TMOD2: variants seen among roughly 807,000 people sequenced by gnomAD.
The protein encoded by TMOD2 is tropomodulin-2.
TMOD2 carries 22 observed loss-of-function variants against 39.9 expected under a neutral mutation model. The observed-to-expected ratio is 0.55, with a 90% CI of 0.39 to 0.79. The LOEUF (loss-of-function observed/expected upper bound fraction) is 0.79. Ranked by LOEUF, TMOD2 falls within the 30% of genes least tolerant of loss-of-function variation. The pLI, the probability that TMOD2 is intolerant of heterozygous loss-of-function variation, is 0.00. For missense variants in TMOD2, 386 were observed against 413.3 expected (o/e 0.93, Z 0.57); for synonymous variants, 123 against 146.1 (o/e 0.84, Z 1.14).
chr15:51,775,692 C>G (rs1364289269), intron 4 of TMOD2, among the ~76,000 whole-genome samples: 1 of 148,910 alleles, frequency 6.7e-6, no homozygotes, highest in Non-Finnish European at 1.5e-5. Flanking sequence ...ATTCTTCTGC[C>G]TCAGCCTCCC....
At chr15:51,803,935 T>G (rs986898043) in intron 8 of TMOD2, among the ~76,000 whole-genome samples, 2 of 152,258 alleles carry the variant, frequency 1.3e-5, no homozygotes, top group Non-Finnish European at 2.9e-5. Flanking sequence ...TTTCACCAAC[T>G]GTATAGACAA....
In TMOD2 at chr15:51,773,777, C is replaced by T; in HGVS notation, c.349C>T (p.Pro117Ser). ...TRKEEKVTLD[P>S]ELEEALASAS... ...TAAAGAAGAAAAAGTGACCCTTGACCCAGAACTGGAAGAAGCTTTGGCCAG... is the reference window on the plus strand; with the variant it reads ...TAAAGAAGAAAAAGTGACCCTTGACTCAGAACTGGAAGAAGCTTTGGCCAG... The change falls in exon 4 of 10, where the codon CCA (proline) becomes TCA (serine). Residue 117 changes from proline to serine, a missense_variant. Coordinates refer to ENST00000249700, the MANE Select transcript of TMOD2 (RefSeq NM_014548.4). 6.2e-7 allele frequency: 1 copy of T among 1,613,586 alleles called. No individual in the cohort carries two copies. Among genetic ancestry groups the T allele is most frequent in the Non-Finnish European group, 8.5e-7 (1 of 1,179,790 alleles).
At chr15:51,783,775 A>ATAGATAGATAGATAGATAGATAGG (rs1555462158) in intron 7 of TMOD2, 7 of 151,150 alleles carry the variant, frequency 4.6e-5, no homozygotes, top group African/African-American at 1.7e-4. Context: ...AGATAGATAG[A>ATAGATAGATAGATAGATAGATAGG]TAGATAGATA....
chr15:51,786,789 C>A (rs2141630533), intron 7 of TMOD2, among the ~76,000 whole-genome samples: 1 of 152,336 alleles, frequency 6.6e-6, no homozygotes. Flanking sequence ...CTGTTATTTA[C>A]AATGATGCCA....
At chr15:51,768,151 G>A (rs772113214) in intron 2 of TMOD2, 111 bp from the exon 3 acceptor site, 7 of 1,264,458 alleles carry the variant, frequency 5.5e-6, no homozygotes, top group African/African-American at 2.9e-5. Flanking sequence ...CACATTCTGC[G>A]TAGGTATCCT....
chr15:51,783,608 G>T (rs2055946966), intron 7 of TMOD2: 1 of 152,078 alleles, frequency 6.6e-6, no homozygotes, highest in South Asian at 2.1e-4. Context: ...AAAATAGCCA[G>T]CCAGGTGTGG....
At chr15:51,767,991 C>T (rs1436265725) in intron 2 of TMOD2, among the ~76,000 whole-genome samples, 1 of 152,194 alleles carries the variant, frequency 6.6e-6, no homozygotes, top group African/African-American at 2.4e-5. Context: ...CTTTTGCCTC[C>T]ATGTTTTAGG....
chr15:51,778,807 AC>A (rs1386789549), intron 5 of TMOD2, among the ~76,000 whole-genome samples: 3 of 151,928 alleles, frequency 2.0e-5, no homozygotes, highest in African/African-American at 7.3e-5. Context: ...GGCATGTGCC[AC>A]CACACCCAAC....
intron 7 of TMOD2, among the ~76,000 whole-genome samples, chr15:51,797,764 C>A (rs150842376): frequency 3.2e-4 from 48 of 151,692 alleles, no homozygotes; most frequent in African/African-American, 1.1e-3. Context: ...TCACTAGTTT[C>A]CAAGTGCTAG....
intron 7 of TMOD2, among the ~76,000 whole-genome samples, chr15:51,795,014 C>T (rs999766027): frequency 2.0e-5 from 3 of 152,150 alleles, no homozygotes; most frequent in South Asian, 4.1e-4. Flanking sequence ...AATGTAGTGA[C>T]TAGTGCTGAC....
chr15:51,789,897 AG>A (rs1265097509), intron 7 of TMOD2, among the ~76,000 whole-genome samples: 1 of 152,244 alleles, frequency 6.6e-6, no homozygotes, highest in African/African-American at 2.4e-5. Context: ...AATGCTCACA[AG>A]AGAAAGCAGG....
intron 1 of TMOD2, among the ~76,000 whole-genome samples, chr15:51,761,152 G>A (rs753901447): frequency 1.3e-5 from 2 of 152,224 alleles, no homozygotes; most frequent in Non-Finnish European, 2.9e-5. Context: ...GTTCTGGGTA[G>A]CTTACAGGGA....
intron 7 of TMOD2, among the ~76,000 whole-genome samples, chr15:51,797,745 A>G (rs73409016): frequency 7.9e-5 from 12 of 152,248 alleles, no homozygotes; most frequent in Admixed American, 3.9e-4. Context: ...CTGAAATAAT[A>G]TAACTAAATC....
intron 9 of TMOD2, 42 bp downstream of exon 9, chr15:51,806,563 A>G (rs2056122984): frequency 6.2e-7 from 1 of 1,609,686 alleles, no homozygotes; most frequent in South Asian, 1.1e-5. Context: ...TTAGAAGAGC[A>G]TGAGCATTCA....
At chr15:51,797,277 G>C (rs1224139008) in intron 7 of TMOD2, among the ~76,000 whole-genome samples, 1 of 152,162 alleles carries the variant, frequency 6.6e-6, no homozygotes, top group Non-Finnish European at 1.5e-5. Context: ...ACCTTCACCA[G>C]AGGCTCTTCC....
At chr15:51,778,462 T>A (rs2141624735) in intron 5 of TMOD2, among the ~76,000 whole-genome samples, 1 of 147,120 alleles carries the variant, frequency 6.8e-6, no homozygotes, top group Admixed American at 6.9e-5. Flanking sequence ...AATGTGCACA[T>A]GTACCCTAAA....
intron 6 of TMOD2, among the ~76,000 whole-genome samples, chr15:51,781,803 G>GGAGAGAGAGA (rs370122360): frequency 1.3e-5 from 2 of 149,334 alleles, no homozygotes; most frequent in African/African-American, 5.0e-5. Flanking sequence ...GGAAAGAGTA[G>GGAGAGAGAGA]GAGAGAGAGA....
At chr15:51,776,323 C>T (rs578185829) in intron 4 of TMOD2, among the ~76,000 whole-genome samples, 3 of 152,324 alleles carry the variant, frequency 2.0e-5, no homozygotes, top group Non-Finnish European at 2.9e-5. Context: ...CAGTCAGCCC[C>T]GCATTCATTC....
Position 51,777,081 on chromosome 15 carries a change from G to T in TMOD2, c.493+63G>T, listed in dbSNP as rs565060901. ...GGAGCCTCCAGAGTTGCTGGTAGGA[G>T]AGAGGCCTGTTGAGTCTTGCAGGCT... On this transcript the variant is annotated intron_variant, in intron 5 of 9. Coordinates refer to ENST00000249700, the MANE Select transcript of TMOD2 (RefSeq NM_014548.4). The T allele has an allele frequency of 2.8e-6, 4 of 1,411,484 alleles. No homozygotes were observed. In the African/African-American group the frequency reaches 4.2e-5, roughly 15 times the overall value. The allele number at this position is 1,411,484 out of a possible 1,614,324, so 87.4% of individuals were successfully genotyped here. A position where few individuals can be genotyped will look rare whatever the true frequency, so the allele number is the denominator to read the frequency against.
Sources: gnomAD v4.1 joint callset for allele counts (sites outside exome capture counted in the v4.1 genomes callset) on GRCh38, gnomAD v4.1.1 for gene constraint, MANE v1.5 for transcripts, NCBI Gene and HGNC (gene_info 2026-07-23, HGNC 2026-07-21) for gene names.